The following ADAM12 variants were observed in gnomAD, a reference collection of about 807,000 sequenced individuals.
ADAM12 encodes the protein disintegrin and metalloproteinase domain-containing protein 12.
In ADAM12, 70 loss-of-function variants were observed where a neutral mutation model predicts 106.4. The ratio of observed to expected loss-of-function variants is 0.66; its 90% CI spans 0.54 to 0.80. ADAM12 has a LOEUF of 0.80. Ranked by LOEUF, ADAM12 falls within the 30% of genes least tolerant of loss-of-function variation. The pLI, the probability that ADAM12 is intolerant of heterozygous loss-of-function variation, is 0.00. For missense variants in ADAM12, 1,010 were observed against 1,171.9 expected, an observed-to-expected ratio of 0.86 and a Z score of 2.02; for synonymous variants, 420 against 433.5, an observed-to-expected ratio of 0.97 and a Z score of 0.39.
At chr10:126,221,079 G>C (rs1958082027) in intron 3 of ADAM12, among the ~76,000 whole-genome samples, 1 of 152,212 alleles carries the variant, frequency 6.6e-6, no homozygotes. Flanking sequence ...GGAAATGTAT[G>C]AGGTAGATTT....
intron 17 of ADAM12, among the ~76,000 whole-genome samples, chr10:126,045,622 C>T (rs1396199272): frequency 6.6e-6 from 1 of 152,204 alleles, no homozygotes; most frequent in Admixed American, 6.5e-5. Flanking sequence ...TTAGTTGAAA[C>T]CCATTGTGTG....
intron 3 of ADAM12, among the ~76,000 whole-genome samples, chr10:126,156,396 C>G (rs1419434369): frequency 6.6e-6 from 1 of 152,174 alleles, no homozygotes; most frequent in Non-Finnish European, 1.5e-5. Flanking sequence ...GACTTTGTAA[C>G]TTTACCTCAT....
intron 9 of ADAM12, among the ~76,000 whole-genome samples, chr10:126,100,091 T>G (rs949789769): frequency 6.6e-6 from 1 of 152,156 alleles, no homozygotes; most frequent in African/African-American, 2.4e-5. Context: ...GAAATTGTCC[T>G]CTTTATTGTT....
chr10:126,131,318 G>A (rs758678051), intron 5 of ADAM12, among the ~76,000 whole-genome samples: 2 of 152,046 alleles, frequency 1.3e-5, no homozygotes, highest in Non-Finnish European at 2.9e-5. Context: ...CCTAGTCAGA[G>A]CCACTGGGAT....
chr10:126,096,077 C>T (rs1955553007), intron 10 of ADAM12, among the ~76,000 whole-genome samples: 1 of 152,152 alleles, frequency 6.6e-6, no homozygotes, highest in African/African-American at 2.4e-5. Context: ...TAATAAATTA[C>T]TTTGTTTAGA....
intron 8 of ADAM12, among the ~76,000 whole-genome samples, chr10:126,104,774 C>A (rs140325267): frequency 6.6e-6 from 1 of 152,178 alleles, no homozygotes; most frequent in East Asian, 1.9e-4. Flanking sequence ...CATCACTAAA[C>A]CACTCGTCTG....
chr10:126,136,609 G>C (rs1055502536), intron 4 of ADAM12, among the ~76,000 whole-genome samples: 3 of 152,306 alleles, frequency 2.0e-5, no homozygotes, highest in Admixed American at 2.0e-4. Context: ...GTCCAGCGCA[G>C]AGCTTGGTGT....
chr10:126,320,233 A>G (rs1854048106), intron 2 of ADAM12, among the ~76,000 whole-genome samples: 2 of 152,368 alleles, frequency 1.3e-5, no homozygotes, highest in African/African-American at 2.4e-5. Context: ...TGCACCACCA[A>G]CAATGCATGT....
chr10:126,024,821 G>C (rs1037834356), intron 21 of ADAM12, among the ~76,000 whole-genome samples: 1 of 150,592 alleles, frequency 6.6e-6, no homozygotes, highest in East Asian at 2.0e-4. Flanking sequence ...AAATGGGATT[G>C]ATTCAGGAAA....
intron 21 of ADAM12, among the ~76,000 whole-genome samples, chr10:126,032,975 G>A (rs972938616): frequency 2.6e-5 from 4 of 152,070 alleles, no homozygotes; most frequent in East Asian, 3.8e-4. Context: ...TTATTCTTAT[G>A]CCAAAAAATC....
intron 5 of ADAM12, among the ~76,000 whole-genome samples, chr10:126,130,571 C>T (rs931286938): frequency 6.6e-6 from 1 of 152,154 alleles, no homozygotes; most frequent in South Asian, 2.1e-4. Flanking sequence ...TGTGCCTGCT[C>T]CTGGGGATGC....
chr10:126,239,358 A>AT (rs1225132362), intron 3 of ADAM12, among the ~76,000 whole-genome samples: 1 of 152,230 alleles, frequency 6.6e-6, no homozygotes, highest in Non-Finnish European at 1.5e-5. Context: ...GCATGTGTGG[A>AT]TAAAGCCTTT....
intron 2 of ADAM12, among the ~76,000 whole-genome samples, chr10:126,325,904 T>A (rs1854284662): frequency 6.6e-6 from 1 of 152,174 alleles, no homozygotes; most frequent in East Asian, 1.9e-4. Flanking sequence ...GATAAGTTTA[T>A]CCCTGCATTA....
intron 1 of ADAM12, among the ~76,000 whole-genome samples, chr10:126,340,683 C>T (rs1854891846): frequency 6.6e-6 from 1 of 151,822 alleles, no homozygotes; most frequent in Non-Finnish European, 1.5e-5. Flanking sequence ...CCTCCTGACC[C>T]CTTAATAGTG....
chr10:126,151,170 G>A (rs572917583), intron 4 of ADAM12, among the ~76,000 whole-genome samples: 1 of 152,250 alleles, frequency 6.6e-6, no homozygotes, highest in East Asian at 1.9e-4. Context: ...GTGAATAGAT[G>A]AAGAAATGAA....
chr10:126,316,708 T>A lies in ADAM12; in HGVS notation c.186+13704A>T, dbSNP rs1172460812. Among the ~76,000 whole-genome samples, 3 of 148,542 alleles carry A rather than the reference T, an allele frequency of 2.0e-5. No individual in the cohort carries two copies. In the East Asian group the frequency reaches 6.0e-4, roughly 30 times the overall value. ...CCTATCTCCACAAAAAATAATTTTT[T>A]AAATTAGCCAGGGGTGATGGTGCAC... On this transcript the variant is annotated intron_variant, in intron 2 of 22. Transcript: ENST00000448723.
intron 2 of ADAM12, among the ~76,000 whole-genome samples, chr10:126,327,319 G>A (rs559494711): frequency 1.6e-4 from 24 of 152,264 alleles, no homozygotes; most frequent in Admixed American, 6.5e-4. Context: ...AAATCTGTCC[G>A]GAAGAAAGCC....
At chr10:126,275,064 C>T (rs1393529486) in intron 3 of ADAM12, among the ~76,000 whole-genome samples, 2 of 152,154 alleles carry the variant, frequency 1.3e-5, no homozygotes, top group East Asian at 3.9e-4. Context: ...ATTCAATGGG[C>T]TATGGACTTC....
At chr10:126,067,944 C>A (rs1954905620) in intron 12 of ADAM12, among the ~76,000 whole-genome samples, 1 of 152,156 alleles carries the variant, frequency 6.6e-6, no homozygotes, top group Admixed American at 6.5e-5. Context: ...AGATTTATGG[C>A]AAACCCAGAT....
Sources: allele counts gnomAD v4.1 joint callset (sites outside exome capture counted in the v4.1 genomes callset), GRCh38; gene constraint gnomAD v4.1.1; transcripts MANE v1.5; gene names NCBI Gene and HGNC (gene_info 2026-07-23, HGNC 2026-07-21).